The following IRAK3 variants were observed in gnomAD, a reference collection of about 807,000 sequenced individuals.
The protein encoded by IRAK3 is interleukin-1 receptor-associated kinase 3.
IRAK3 carries 57 observed loss-of-function variants against 56.6 expected under a neutral mutation model. That is an observed-to-expected ratio of 1.01 (90% CI 0.81 to 1.26). The LOEUF is 1.26. Among genes scored for constraint, IRAK3 ranks in the 50% most tolerant of loss-of-function variants. The pLI is 0.00. For synonymous variants in IRAK3, 258 were observed against 255.7 expected (o/e 1.01, Z -0.09); for missense variants, 703 against 719.0 (o/e 0.98, Z 0.25).
intron 1 of IRAK3, chr12:66,198,046 T>C (rs1030580083): frequency 1.0e-6 from 1 of 985,230 alleles, no homozygotes; most frequent in African/African-American, 1.7e-5. Flanking sequence ...GTGGCAATTG[T>C]TGTGAGCTAG....
In IRAK3 at chr12:66,247,972, C is replaced by A. The variant is rs762973317; in HGVS notation, c.1592C>A (p.Ala531Asp). Residue 531 changes from alanine to aspartate, a missense_variant, in exon 12 of 12, where the codon GCT (alanine) becomes GAT (aspartate). Physicochemically the swap from Ala to Asp is moderately radical, Grantham distance 126. Transcript: ENST00000261233. The part of the protein sequence containing the change: ...KKPESKRNEE[A>D]CNMPSSSCEE... ...CCAGAGAGCAAGAGAAATGAGGAAG[C>A]TTGCAACATGCCCAGTTCTTCTTGT... 5.0e-6 allele frequency: 8 copies of A among 1,611,496 alleles called. No homozygotes were observed. In the South Asian group the frequency reaches 8.8e-5, roughly 18 times the overall value.
chr12:66,251,932 G>A lies in IRAK3; in HGVS notation c.*3761G>A, dbSNP rs1444380494. 2.6e-5 allele frequency: 4 copies of A among 152,182 alleles called. No individual in the cohort carries two copies. The highest frequency in any genetic ancestry group is 4.4e-5 in the Non-Finnish European group (3 of 68,034). 9.4% of individuals were successfully genotyped at this position (152,182 alleles called of 1,614,324 possible). On this transcript the variant is annotated 3_prime_UTR_variant, in exon 12 of 12. Transcript: ENST00000261233. Reference sequence around the variant, plus strand: ...GTAAATGCTGAAAGGGTGAGAAGAAGGAATAGATTACTATGCATTTTTGAG... The same window carrying A: ...GTAAATGCTGAAAGGGTGAGAAGAAAGAATAGATTACTATGCATTTTTGAG...
chr12:66,190,457 G>C lies in IRAK3; in HGVS notation c.133+1025G>C, dbSNP rs150072162. Among the ~76,000 whole-genome samples, 688 of 152,148 alleles carry C rather than the reference G, an allele frequency of 4.5e-3. 8 individuals are homozygous for C. The highest frequency in any genetic ancestry group is 0.016 in the African/African-American group (657 of 41,522). ...GCATTTGAGGGATTTTGAGGGATAA[G>C]GTCACTTCCCCATCAGATCTTTTTG... On this transcript the variant is annotated intron_variant, in intron 1 of 11. Coordinates refer to ENST00000261233, the MANE Select transcript of IRAK3 (RefSeq NM_007199.3).
chr12:66,248,162 A>G lies in IRAK3; in HGVS notation c.1782A>G (p.Lys594=). Residue 594 remains lysine (K), a synonymous_variant, in exon 12 of 12, where the codon AAA becomes AAG. Coordinates refer to ENST00000261233, the MANE Select transcript of IRAK3 (RefSeq NM_007199.3). ...KFSWDEYEQY[K]KE is the part of the protein sequence containing the mutation. ...CCTGGGATGAATATGAACAGTACAA[A>G]AAAGAATAAATTCTACCAGAAGATA... 1 of 1,611,630 alleles carries G rather than the reference A, an allele frequency of 6.2e-7. No individual in the cohort carries two copies. Among genetic ancestry groups the G allele is most frequent in the East Asian group, 2.2e-5 (1 of 44,878 alleles).
intron 1 of IRAK3, among the ~76,000 whole-genome samples, chr12:66,192,323 T>C (rs1397532253): frequency 1.3e-5 from 2 of 152,248 alleles, no homozygotes; most frequent in East Asian, 3.8e-4. Flanking sequence ...AATCACAAGA[T>C]AATATATTCT....
chr12:66,251,638 T>C lies in IRAK3; in HGVS notation c.*3467T>C, dbSNP rs2053100750. 1 of 152,200 alleles carries C rather than the reference T, an allele frequency of 6.6e-6. No individual in the cohort carries two copies. Among genetic ancestry groups the C allele is most frequent in the South Asian group, 2.1e-4 (1 of 4,832 alleles). 9.4% of individuals were successfully genotyped at this position (152,200 alleles called of 1,614,324 possible). ...AATTTTATTGACTTCTTGGGAGTTGTAATGATCTGTGACTCACTGCATAAT... is the reference window on the plus strand; with the variant it reads ...AATTTTATTGACTTCTTGGGAGTTGCAATGATCTGTGACTCACTGCATAAT... On this transcript the variant is annotated 3_prime_UTR_variant, in exon 12 of 12. Coordinates refer to ENST00000261233, the MANE Select transcript of IRAK3 (RefSeq NM_007199.3).
At chr12:66,200,036 C>G (rs1327557260) in intron 1 of IRAK3, among the ~76,000 whole-genome samples, 2 of 152,182 alleles carry the variant, frequency 1.3e-5, no homozygotes, top group African/African-American at 4.8e-5. Flanking sequence ...TCAATGATGT[C>G]AGACATTTTA....
chr12:66,247,854 T>C lies in IRAK3; in HGVS notation c.1474T>C (p.Ser492Pro), dbSNP rs2053051818. 6.2e-7 allele frequency: 1 copy of C among 1,614,080 alleles called. No individual in the cohort carries two copies. The highest frequency in any genetic ancestry group is 1.1e-5 in the South Asian group (1 of 91,092). ...DESQNNNLLP[S>P]DEGLRIDRMT... is the part of the protein sequence containing the mutation. ...AAGCCAGAATAACAATTTACTACCT[T>C]CTGATGAAGGCCTGAGGATAGACAG... Residue 492 changes from serine to proline, a missense_variant, in exon 12 of 12, where the codon TCT becomes CCT. Physicochemically the swap from Ser to Pro is moderately conservative, Grantham distance 74 (BLOSUM62 -1). Transcript: ENST00000261233.
chr12:66,226,861 C>CAGAGGA, intron 7 of IRAK3, 24 bp downstream of exon 7: 2 of 1,325,038 alleles, frequency 1.5e-6, no homozygotes, highest in Non-Finnish European at 2.2e-6. Context: ...ATTATTCTGT[C>CAGAGGA]TGATCCTCTG....
At chr12:66,197,160 T>C in intron 1 of IRAK3, 3 of 1,282,372 alleles carry the variant, frequency 2.3e-6, no homozygotes, top group Non-Finnish European at 3.0e-6. Context: ...AACAAAGATT[T>C]GTGTTCCAAA....
chr12:66,212,494 G>A (rs1038379061), intron 5 of IRAK3, among the ~76,000 whole-genome samples: 16 of 152,178 alleles, frequency 1.1e-4, no homozygotes, highest in Non-Finnish European at 4.4e-5. Flanking sequence ...TCAACAATAA[G>A]TAAACATTTA....
chr12:66,194,789 A>T (rs1466828632), intron 1 of IRAK3, among the ~76,000 whole-genome samples: 1 of 147,428 alleles, frequency 6.8e-6, no homozygotes, highest in African/African-American at 2.5e-5. Context: ...GGATCACACT[A>T]CCGTACTCCA....
chr12:66,253,678 G>C lies in IRAK3; in HGVS notation c.*5507G>C, dbSNP rs1028177870. On this transcript the variant is annotated 3_prime_UTR_variant, in exon 12 of 12. Transcript: ENST00000261233. ...TATTCTTATAGACAAACATTAATTGGAATGGGGGGTAAGGAGGTAGGAATG... is the reference window on the plus strand; with the variant it reads ...TATTCTTATAGACAAACATTAATTGCAATGGGGGGTAAGGAGGTAGGAATG... 6 of 152,152 alleles carry C rather than the reference G, an allele frequency of 3.9e-5. No homozygotes were observed. The highest frequency in any genetic ancestry group is 8.8e-5 in the Non-Finnish European group (6 of 68,028). The allele number at this position is 152,152 out of a possible 1,614,324, so 9.4% of individuals were successfully genotyped here.
In IRAK3 at chr12:66,250,538, A is replaced by T. The variant is rs544777502; in HGVS notation, c.*2367A>T. 1 of 152,354 alleles carries T rather than the reference A, an allele frequency of 6.6e-6. No homozygotes were observed. Among genetic ancestry groups the T allele is most frequent in the South Asian group, 2.1e-4 (1 of 4,832 alleles). The allele number at this position is 152,354 out of a possible 1,614,324, so 9.4% of individuals were successfully genotyped here. ...GCAGTTGGGAGAACCCATGCCCACC[A>T]CTGCTCTGTACGGTATCTGGCTGCT... On this transcript the variant is annotated 3_prime_UTR_variant, in exon 12 of 12. Coordinates refer to ENST00000261233, the MANE Select transcript of IRAK3 (RefSeq NM_007199.3).
At chr12:66,203,276 T>C (rs2052526612) in intron 1 of IRAK3, among the ~76,000 whole-genome samples, 1 of 152,198 alleles carries the variant, frequency 6.6e-6, no homozygotes, top group African/African-American at 2.4e-5. Flanking sequence ...ACATTATTAT[T>C]GATAAGACAT....
chr12:66,245,906 ATTTG>A (rs1185354217), intron 11 of IRAK3, among the ~76,000 whole-genome samples: 2 of 152,006 alleles, frequency 1.3e-5, no homozygotes, highest in Non-Finnish European at 2.9e-5. Context: ...CCATTCATTT[ATTTG>A]TTTATTTGCA....
chr12:66,204,011 C>T (rs1204099285), intron 2 of IRAK3, 118 bp downstream of exon 2: 9 of 927,692 alleles, frequency 9.7e-6, no homozygotes, highest in Non-Finnish European at 1.5e-5. Flanking sequence ...TGTTTCCTTA[C>T]CTGTGGCTTT....
At chr12:66,210,490 T>C (rs2052601149) in intron 4 of IRAK3, among the ~76,000 whole-genome samples, 1 of 152,208 alleles carries the variant, frequency 6.6e-6, no homozygotes, top group Non-Finnish European at 1.5e-5. Flanking sequence ...TTGTGTGTCA[T>C]GGGAAAACAT....
Position 66,203,746 on chromosome 12 carries a change from C to G in IRAK3, c.169C>G (p.His57Asp). The change falls in exon 2 of 12, where the codon CAT (histidine) becomes GAT (aspartate). Residue 57 changes from histidine to aspartate, a missense_variant. Transcript: ENST00000261233. ...RLSSSWLDVRHIEKYVDQGKS... is the reference protein window; with the variant it reads ...RLSSSWLDVRDIEKYVDQGKS... ...TTCAAGCAGCTGGCTGGATGTTCGT[C>G]ATATTGAAAAGTATGTAGACCAAGG... 1 of 1,614,044 alleles carries G rather than the reference C, an allele frequency of 6.2e-7. No individual in the cohort carries two copies. The highest frequency in any genetic ancestry group is 2.2e-5 in the East Asian group (1 of 44,872).
Sources: allele counts gnomAD v4.1 joint callset (sites outside exome capture counted in the v4.1 genomes callset), GRCh38; gene constraint gnomAD v4.1.1; transcripts MANE v1.5; gene names NCBI Gene and HGNC (gene_info 2026-07-23, HGNC 2026-07-21).